CASZ1: variants seen among roughly 807,000 people sequenced by gnomAD.
CASZ1 encodes zinc finger protein castor homolog 1.
Under a neutral mutation model 135.2 loss-of-function variants are expected in CASZ1, and 28 were observed. The ratio of observed to expected loss-of-function variants is 0.21; its 90% CI spans 0.15 to 0.28. The LOEUF (loss-of-function observed/expected upper bound fraction) is 0.28. CASZ1 is among the 10% of genes least tolerant of loss of function. CASZ1 has a pLI of 1.00. For synonymous variants in CASZ1, 1,068 were observed against 1,073.4 expected (o/e 0.99, Z 0.10); for missense variants, 2,161 against 2,453.3 (o/e 0.88, Z 2.52).
In CASZ1 at chr1:10,757,617, G is replaced by A. The variant is rs563359849; in HGVS notation, c.-77+3084C>T. ...AGCCTGGCCAACATGGTGAAACCCC[G>A]TCTCTACTAAAAACACTAAAATTAG... On this transcript the variant is annotated intron_variant, in intron 2 of 20. Coordinates refer to ENST00000377022, the MANE Select transcript of CASZ1 (RefSeq NM_001079843.3). This position sits in a 1 kb window ranked among gnomAD's most constrained non-coding sequence, Gnocchi z 4.6. Among the ~76,000 whole-genome samples, 13 of 152,188 alleles carry A rather than the reference G, an allele frequency of 8.5e-5. No homozygotes were observed. The highest frequency in any genetic ancestry group is 1.7e-4 in the African/African-American group (7 of 41,522).
At position 10,767,897 on chromosome 1, in the gene CASZ1, C is replaced by A. The variant is rs1570575809; in HGVS notation, c.-233-7040G>T. On this transcript the variant is annotated intron_variant, in intron 1 of 20. Coordinates refer to ENST00000377022, the MANE Select transcript of CASZ1 (RefSeq NM_001079843.3). This position sits in a 1 kb window ranked among gnomAD's most constrained non-coding sequence, Gnocchi z 4.2. ...CCCTGGCATCACCCCAGTCCCCCAA[C>A]GCCCACTCCAACCCTAGTCACAGGA... Among the ~76,000 whole-genome samples, 1 of 152,158 alleles carries A rather than the reference C, an allele frequency of 6.6e-6. No homozygotes were observed. Among genetic ancestry groups the A allele is most frequent in the Admixed American group, 6.5e-5 (1 of 15,274 alleles).
At position 10,697,080 on chromosome 1, in the gene CASZ1, C is replaced by T. The variant is rs1330890396; in HGVS notation, c.-23-3168G>A. Among the ~76,000 whole-genome samples, 1 of 152,200 alleles carries T rather than the reference C, an allele frequency of 6.6e-6. No homozygotes were observed. The highest frequency in any genetic ancestry group is 6.5e-5 in the Admixed American group (1 of 15,290). On this transcript the variant is annotated intron_variant, in intron 3 of 20. Coordinates refer to ENST00000377022, the MANE Select transcript of CASZ1 (RefSeq NM_001079843.3). The surrounding 1 kb of genome is among the most constrained non-coding windows in gnomAD (Gnocchi z 4.7). ...AGCCACAGGCTGAGTGGGCCCTGCC[C>T]AAGAGGAAAAGGCCTTCAGTGGAGG...
intron 20 of CASZ1, among the ~76,000 whole-genome samples, chr1:10,640,544 G>A (rs568971216): frequency 6.6e-6 from 1 of 152,358 alleles, no homozygotes; most frequent in South Asian, 2.1e-4. Flanking sequence ...CTGCACAGGG[G>A]GAGCTGCCTA....
chr1:10,698,997 T>A (rs1639003740), intron 3 of CASZ1, among the ~76,000 whole-genome samples: 1 of 151,874 alleles, frequency 6.6e-6, no homozygotes, highest in Admixed American at 6.6e-5. Context: ...CCCCCACCGC[T>A]CCCCCACCCA....
intron 4 of CASZ1, among the ~76,000 whole-genome samples, chr1:10,671,806 C>T (rs1643409172): frequency 6.6e-6 from 1 of 152,254 alleles, no homozygotes; most frequent in East Asian, 1.9e-4. Context: ...TCAGGAAAGG[C>T]AGCATCATCT....
At chr1:10,795,578 C>T (rs1039506383) in intron 1 of CASZ1, among the ~76,000 whole-genome samples, 11 of 152,204 alleles carry the variant, frequency 7.2e-5, no homozygotes, top group African/African-American at 2.7e-4. Context: ...CTGGCGCACA[C>T]AACAGCCGGC....
chr1:10,734,255 G>A (rs1012433869), intron 2 of CASZ1, among the ~76,000 whole-genome samples: 7 of 137,824 alleles, frequency 5.1e-5, no homozygotes, highest in Admixed American at 4.0e-4. Context: ...GAAACTCCAA[G>A]TCACCTGCCT....
intron 4 of CASZ1, among the ~76,000 whole-genome samples, chr1:10,692,150 G>A (rs1343739918): frequency 6.6e-6 from 1 of 152,210 alleles, no homozygotes; most frequent in African/African-American, 2.4e-5. Context: ...GGACACCCTA[G>A]AGAAGGGCTT....
intron 1 of CASZ1, among the ~76,000 whole-genome samples, chr1:10,782,072 C>T (rs555027529): frequency 5.9e-5 from 9 of 152,208 alleles, no homozygotes; most frequent in Non-Finnish European, 1.2e-4. Context: ...ACAAGGGCAT[C>T]GCTGTGCCTC....
rs985694507 is a variant in CASZ1 at position 10,719,197 on chromosome 1, C to T, written c.-76-13653G>A. ...GCTCCCTAAGTGCTGGGATTACAGGCGTGAGCCACCGCACCCGGCCCCGTG... is the reference window on the plus strand; with the variant it reads ...GCTCCCTAAGTGCTGGGATTACAGGTGTGAGCCACCGCACCCGGCCCCGTG... On this transcript the variant is annotated intron_variant, in intron 2 of 20. Coordinates refer to ENST00000377022, the MANE Select transcript of CASZ1 (RefSeq NM_001079843.3). The surrounding 1 kb of genome is among the most constrained non-coding windows in gnomAD (Gnocchi z 4.0). Among the ~76,000 whole-genome samples, 12 of 152,160 alleles carry T rather than the reference C, an allele frequency of 7.9e-5. No individual in the cohort carries two copies. Among genetic ancestry groups the T allele is most frequent in the Admixed American group, 5.9e-4 (9 of 15,280 alleles).
rs74747522 is a variant in CASZ1, at chr1:10,774,784, C to T, written c.-233-13927G>A. ...TTGAGCCCTCCCTCCTCTGTCCCAG[C>T]GCCAAGTTCCCTGCAACCCACAAGC... On this transcript the variant is annotated intron_variant, in intron 1 of 20. Coordinates refer to ENST00000377022, the MANE Select transcript of CASZ1 (RefSeq NM_001079843.3). This position sits in a 1 kb window ranked among gnomAD's most constrained non-coding sequence, Gnocchi z 4.4. Among the ~76,000 whole-genome samples, 7,139 of 152,160 alleles carry T rather than the reference C, an allele frequency of 0.047. 526 individuals are homozygous for T. Among genetic ancestry groups the T allele is most frequent in the African/African-American group, 0.16 (6,720 of 41,448 alleles).
chr1:10,654,213 G>A lies in CASZ1; in HGVS notation c.1844C>T (p.Pro615Leu). 1 of 1,613,974 alleles carries A rather than the reference G, an allele frequency of 6.2e-7. No individual in the cohort carries two copies. The highest frequency in any genetic ancestry group is 8.5e-7 in the Non-Finnish European group (1 of 1,179,910). Residue 615 changes from proline (P) to leucine (L), a missense_variant, in exon 11 of 21, where the codon CCC becomes CTC. Physicochemically the swap from Pro to Leu is moderately conservative, Grantham distance 98. This residue lies in a region of CASZ1 where 248 missense variants were observed against 410.8 expected (regional missense o/e 0.60). Transcript: ENST00000377022. ...QKTTHFHCRR[P>L]GCTFTFKNKC... ...GTTCTTGAAAGTGAATGTGCAGCCG[G>A]GGCGCCTGGATGGGACATTGGGAGC... is the stretch of plus-strand genomic sequence containing the variant.
chr1:10,755,393 C>T lies in CASZ1; in HGVS notation c.-77+5308G>A, dbSNP rs1339188725. Among the ~76,000 whole-genome samples, 1 of 152,226 alleles carries T rather than the reference C, an allele frequency of 6.6e-6. No individual in the cohort carries two copies. Among genetic ancestry groups the T allele is most frequent in the East Asian group, 1.9e-4 (1 of 5,194 alleles). On this transcript the variant is annotated intron_variant, in intron 2 of 20. Transcript: ENST00000377022. The surrounding 1 kb of genome is among the most constrained non-coding windows in gnomAD (Gnocchi z 4.3). The stretch of plus-strand genomic sequence containing the variant: ...AGACCTGACGTCGCCTCTCCAATGC[C>T]AGCCTCTCTCACTGTGGGCACTCAG...
intron 2 of CASZ1, among the ~76,000 whole-genome samples, chr1:10,752,480 G>A (rs186751166): frequency 2.0e-5 from 3 of 152,274 alleles, no homozygotes; most frequent in Admixed American, 1.3e-4. Flanking sequence ...GGCCACCTGG[G>A]CCCAAATACA....
chr1:10,653,953 C>T lies in CASZ1; in HGVS notation c.2104G>A (p.Ala702Thr), dbSNP rs777122004. 1.1e-5 allele frequency: 18 copies of T among 1,613,552 alleles called. No homozygotes were observed. The highest frequency in any genetic ancestry group is 3.3e-5 in the Admixed American group (2 of 59,978). The change falls in exon 11 of 21, where the codon GCG (alanine) becomes ACG (threonine). Residue 702 changes from alanine (A) to threonine (T), a missense_variant. By Grantham distance (58) the Ala-to-Thr change is moderately conservative. Transcript: ENST00000377022. ...AGCAGCGAGGGCGGCAGCCCCAGCG[C>T]GCCCGAGGAGCGGATGTGCCGGCGC... ...HERRHIRSSG[A>T]LGLPPSLLGA...
chr1:10,649,498 TG>T (rs1557464531), intron 13 of CASZ1, 61 bp from the exon 14 acceptor site: 1 of 1,529,138 alleles, frequency 6.5e-7, no homozygotes, highest in Non-Finnish European at 8.8e-7. Context: ...CACGGCAGCC[TG>T]GGGAGCAACA....
At position 10,765,081 on chromosome 1, in the gene CASZ1, C is replaced by A. The variant is rs563661478; in HGVS notation, c.-233-4224G>T. Reference sequence around the variant, plus strand: ...GTGGGGCAGGGATTTCTGCTGCCTCCCCTACATCGGAACCTCCCCCCACAA... The same window carrying A: ...GTGGGGCAGGGATTTCTGCTGCCTCACCTACATCGGAACCTCCCCCCACAA... On this transcript the variant is annotated intron_variant, in intron 1 of 20. Coordinates refer to ENST00000377022, the MANE Select transcript of CASZ1 (RefSeq NM_001079843.3). Among the ~76,000 whole-genome samples, 4 of 152,258 alleles carry A rather than the reference C, an allele frequency of 2.6e-5. No homozygotes were observed. In the South Asian group the frequency reaches 8.3e-4, roughly 32 times the overall value.
chr1:10,665,559 C>T lies in CASZ1; in HGVS notation c.29G>A (p.Arg10Gln), dbSNP rs773780603. 9.6e-6 allele frequency: 15 copies of T among 1,561,972 alleles called. No individual in the cohort carries two copies. Among genetic ancestry groups the T allele is most frequent in the East Asian group, 9.3e-5 (4 of 43,218 alleles). Residue 10 changes from arginine (R) to glutamine (Q), a missense_variant, in exon 5 of 21, where the codon CGG becomes CAG. Arg to Gln is a conservative substitution (Grantham distance 43). Transcript: ENST00000377022. The stretch of plus-strand genomic sequence containing the variant: ...CTTGCCTGCAGGCGGGTCCGTGCAC[C>T]GGGTGCCCTCAGCTGCAGGGATGGA... MDLGTAEGT[R>Q]CTDPPAGKPA...
In CASZ1 at chr1:10,699,920, A is replaced by G. The variant is rs56929957; in HGVS notation, c.-24+5572T>C. ...AAACGTGGAGTGTGAGAGAAGAGAG[A>G]GGTAGGTGGGAAGAAAAAGGTGAGA... On this transcript the variant is annotated intron_variant, in intron 3 of 20. Transcript: ENST00000377022. The surrounding 1 kb of genome is among the most constrained non-coding windows in gnomAD (Gnocchi z 4.6). 6.6e-5 allele frequency among the ~76,000 whole-genome samples: 10 copies of G among 151,994 alleles called. No individual in the cohort carries two copies. Among genetic ancestry groups the G allele is most frequent in the Admixed American group, 3.9e-4 (6 of 15,260 alleles).
Sources: gnomAD v4.1 joint callset for allele counts (sites outside exome capture counted in the v4.1 genomes callset) on GRCh38, gnomAD v4.1.1 for gene constraint, gnomAD v4.1.1 regional missense constraint, Gnocchi (gnomAD v3.1) non-coding constraint, MANE v1.5 for transcripts, NCBI Gene and HGNC (gene_info 2026-07-23, HGNC 2026-07-21) for gene names.